YES1: variants seen among roughly 807,000 people sequenced by gnomAD.
The protein encoded by YES1 is YES proto-oncogene 1, Src family tyrosine kinase.
A neutral mutation model predicts 70.4 loss-of-function variants in YES1; 39 were observed. The observed-to-expected ratio is 0.55, with a 90% CI of 0.43 to 0.72. The LOEUF (loss-of-function observed/expected upper bound fraction) is 0.72, where lower values mean the gene tolerates loss of function less well. Ranked by LOEUF, YES1 falls within the 30% of genes least tolerant of loss-of-function variation. The pLI is 0.00. For synonymous variants in YES1, 198 were observed against 218.6 expected (o/e 0.91, Z 0.83); for missense variants, 495 against 644.8 (o/e 0.77, Z 2.52).
At chr18:795,807 G>A (rs979208430) in intron 1 of YES1, among the ~76,000 whole-genome samples, 7 of 151,860 alleles carry the variant, frequency 4.6e-5, no homozygotes, top group African/African-American at 1.7e-4. Context: ...TAATGCATGC[G>A]GGGCTTAAGA....
At chr18:726,986 T>C (rs539990944) in intron 11 of YES1, among the ~76,000 whole-genome samples, 49 of 152,214 alleles carry the variant, frequency 3.2e-4, no homozygotes, top group African/African-American at 2.9e-4. Context: ...CCACGCTACA[T>C]GTGGAAAGTT....
chr18:732,456 A>AC (rs1378672696), intron 11 of YES1, among the ~76,000 whole-genome samples: 1 of 136,304 alleles, frequency 7.3e-6, no homozygotes, highest in African/African-American at 3.0e-5. Context: ...AAAAAAAAAA[A>AC]ACAAAACACC....
intron 1 of YES1, among the ~76,000 whole-genome samples, chr18:764,908 G>T (rs1336450807): frequency 4.6e-5 from 7 of 151,364 alleles, no homozygotes; most frequent in Non-Finnish European, 1.0e-4. Flanking sequence ...AATTTTTTGT[G>T]TATTTTTAGT....
chr18:728,578 G>C (rs1369940437), intron 11 of YES1, among the ~76,000 whole-genome samples: 1 of 152,120 alleles, frequency 6.6e-6, no homozygotes, highest in Non-Finnish European at 1.5e-5. Context: ...CCAAGCTGGA[G>C]TGCAGTAGTG....
At chr18:732,310 G>A (rs1043965839) in intron 11 of YES1, among the ~76,000 whole-genome samples, 5 of 151,396 alleles carry the variant, frequency 3.3e-5, no homozygotes, top group African/African-American at 9.7e-5. Context: ...TGTGGTGGTG[G>A]GTGCCTGTAA....
intron 2 of YES1, among the ~76,000 whole-genome samples, chr18:755,251 CTTT>C (rs780424527): frequency 2.1e-5 from 3 of 141,796 alleles, no homozygotes; most frequent in Admixed American, 1.4e-4. Flanking sequence ...TGGCCATTGC[CTTT>C]TTTTTTTTTT....
intron 1 of YES1, among the ~76,000 whole-genome samples, chr18:805,256 T>C (rs1483965115): frequency 3.3e-5 from 5 of 152,188 alleles, no homozygotes; most frequent in Non-Finnish European, 7.3e-5. Context: ...GCTACAAACC[T>C]GTACAGCACA....
chr18:759,205 G>A (rs527717575), intron 1 of YES1, among the ~76,000 whole-genome samples: 4 of 152,304 alleles, frequency 2.6e-5, no homozygotes, highest in South Asian at 2.1e-4. Context: ...GGTGGCTCAC[G>A]CCTGTAATCC....
intron 1 of YES1, among the ~76,000 whole-genome samples, chr18:803,679 A>G (rs79964049): frequency 0.057 from 8,729 of 152,262 alleles, 345 homozygotes; most frequent in East Asian, 0.12. Flanking sequence ...CAGGGAACTC[A>G]AAACAGTGAT....
chr18:729,619 C>CT (rs869223956), intron 11 of YES1, among the ~76,000 whole-genome samples: 1,792 of 75,480 alleles, frequency 0.024, 46 homozygotes, highest in African/African-American at 0.027. Flanking sequence ...TGATTTTGAA[C>CT]TTTTTTTTTT....
intron 1 of YES1, among the ~76,000 whole-genome samples, chr18:768,779 T>C (rs1905022696): frequency 6.6e-6 from 1 of 151,670 alleles, no homozygotes; most frequent in South Asian, 2.1e-4. Context: ...CTCGGCTCAC[T>C]GCAACCTCCG....
At chr18:753,877 A>G (rs936775227) in intron 2 of YES1, among the ~76,000 whole-genome samples, 1 of 152,130 alleles carries the variant, frequency 6.6e-6, no homozygotes, top group African/African-American at 2.4e-5. Flanking sequence ...TTACATACCC[A>G]AGTCTTTCCT....
At chr18:793,411 A>G (rs961420089) in intron 1 of YES1, among the ~76,000 whole-genome samples, 7 of 152,116 alleles carry the variant, frequency 4.6e-5, no homozygotes, top group Admixed American at 3.3e-4. Flanking sequence ...ATCATCGCTC[A>G]CTACAGCTTC....
intron 1 of YES1, among the ~76,000 whole-genome samples, chr18:805,515 A>G (rs937071919): frequency 6.6e-6 from 1 of 152,182 alleles, no homozygotes; most frequent in African/African-American, 2.4e-5. Context: ...ACTATTAGAA[A>G]CCATGAGGCC....
chr18:738,505 AC>A (rs1302214954), intron 9 of YES1: 1 of 151,922 alleles, frequency 6.6e-6, no homozygotes, highest in African/African-American at 2.4e-5. Flanking sequence ...CCTGGCGAAC[AC>A]GGTGAAACCC....
Position 735,540 on chromosome 18 carries a change from C to A in YES1, c.1291+1268G>T, listed in dbSNP as rs181439385. ...AAAGACTACATGTTGGAGGTGAAAC[C>A]CCGTCTCTACTGAAAATACAAAAAT... On this transcript the variant is annotated intron_variant, in intron 10 of 11. Transcript: ENST00000314574. Among the ~76,000 whole-genome samples the A allele has an allele frequency of 2.7e-3, 412 of 151,904 alleles. 2 individuals carry two copies. Among genetic ancestry groups the A allele is most frequent in the African/African-American group, 9.5e-3 (393 of 41,382 alleles).
At chr18:733,654 G>A (rs1399080776) in intron 10 of YES1, among the ~76,000 whole-genome samples, 2 of 151,790 alleles carry the variant, frequency 1.3e-5, no homozygotes, top group African/African-American at 4.8e-5. Flanking sequence ...GAGGTGGCAG[G>A]AGCCTGTAGT....
At chr18:775,217 G>A (rs1284993658) in intron 1 of YES1, 1 of 152,078 alleles carries the variant, frequency 6.6e-6, no homozygotes, top group Admixed American at 6.6e-5. Flanking sequence ...TTTGAAGCAC[G>A]AATGTTTGCA....
intron 1 of YES1, among the ~76,000 whole-genome samples, chr18:773,737 G>A (rs892987646): frequency 1.3e-5 from 2 of 151,688 alleles, no homozygotes; most frequent in African/African-American, 2.4e-5. Context: ...TATGTTTCTC[G>A]CATTCACTTA....
Sources: gnomAD v4.1 joint callset for allele counts (sites outside exome capture counted in the v4.1 genomes callset) on GRCh38, gnomAD v4.1.1 for gene constraint, MANE v1.5 for transcripts, NCBI Gene and HGNC (gene_info 2026-07-23, HGNC 2026-07-21) for gene names.